Variants in OPCML observed in about 807,000 individuals in gnomAD.
OPCML encodes the protein opioid-binding protein/cell adhesion molecule.
In OPCML, 13 loss-of-function variants were observed where a neutral mutation model predicts 37.8. That is an observed-to-expected ratio of 0.34 (90% confidence interval 0.22 to 0.55). OPCML has a LOEUF of 0.55. Among genes scored for constraint, OPCML ranks in the 20% least tolerant of loss-of-function variants. The probability of loss-of-function intolerance (pLI) is 0.91; values close to 1 mark genes in which losing one functional copy is unlikely to be tolerated. For missense variants in OPCML, 341 were observed against 435.6 expected (o/e 0.78, Z 1.93); for synonymous variants, 176 against 168.8 (o/e 1.04, Z -0.33).
At chr11:133,003,759 A>T in intron 1 of OPCML, 1 of 985,450 alleles carries the variant, frequency 1.0e-6, no homozygotes. Context: ...GAATAGGCTG[A>T]ATTCTGAGCA....
Position 133,206,395 on chromosome 11 carries a change from GGA to G in OPCML, c.62-263387_62-263386del, listed in dbSNP as rs1190065161. 6.6e-6 allele frequency among the ~76,000 whole-genome samples: 1 copy of G among 152,116 alleles called. No individual in the cohort carries two copies. Among genetic ancestry groups the G allele is most frequent in the Non-Finnish European group, 1.5e-5 (1 of 68,014 alleles). On this transcript the variant is annotated intron_variant, in intron 1 of 7. Coordinates refer to ENST00000524381, the MANE Select transcript of OPCML (RefSeq NM_001012393.5). This position sits in a 1 kb window ranked among gnomAD's most constrained non-coding sequence, Gnocchi z 4.7. ...ACATTTAGGAAACTGCATAACTTCT[GGA>G]GTCCTCAGTTTCCTGAGCTATGAAA...
chr11:133,116,396 A>G (rs916337373), intron 1 of OPCML, among the ~76,000 whole-genome samples: 1 of 152,202 alleles, frequency 6.6e-6, no homozygotes, highest in Non-Finnish European at 1.5e-5. Flanking sequence ...ATACTCTGTC[A>G]TCCTGGTTCA....
intron 1 of OPCML, among the ~76,000 whole-genome samples, chr11:133,352,899 G>A (rs1944174037): frequency 1.3e-5 from 2 of 152,264 alleles, no homozygotes; most frequent in African/African-American, 4.8e-5. Context: ...AACTCTTTGT[G>A]CTTCTGTTTC....
chr11:132,540,333 G>C (rs563657914), intron 3 of OPCML, among the ~76,000 whole-genome samples: 11 of 152,274 alleles, frequency 7.2e-5, no homozygotes, highest in Admixed American at 6.5e-4. Flanking sequence ...TATTCCAGGT[G>C]CCTCTCAGCA....
At chr11:133,090,654 T>C (rs1253305376) in intron 1 of OPCML, among the ~76,000 whole-genome samples, 2 of 152,130 alleles carry the variant, frequency 1.3e-5, no homozygotes, top group African/African-American at 2.4e-5. Context: ...ACTAGGAAAT[T>C]TGGCAAAAGA....
intron 2 of OPCML, among the ~76,000 whole-genome samples, chr11:132,762,675 G>A (rs569865054): frequency 1.2e-4 from 18 of 152,240 alleles, no homozygotes; most frequent in South Asian, 2.1e-4. Flanking sequence ...CACCAAGCTC[G>A]AGAGTCCTAG....
intron 2 of OPCML, among the ~76,000 whole-genome samples, chr11:132,909,485 C>T (rs2136534056): frequency 6.6e-6 from 1 of 152,342 alleles, no homozygotes; most frequent in Middle Eastern, 3.4e-3. Context: ...CACCCCAACC[C>T]AATAGGAGCT....
At chr11:132,697,468 C>T (rs574802582) in intron 2 of OPCML, among the ~76,000 whole-genome samples, 8 of 152,242 alleles carry the variant, frequency 5.3e-5, no homozygotes, top group African/African-American at 9.6e-5. Context: ...AATCACCATT[C>T]GACACTCTCT....
intron 2 of OPCML, among the ~76,000 whole-genome samples, chr11:132,794,082 ATCC>A (rs1293488726): frequency 2.0e-5 from 3 of 152,070 alleles, no homozygotes; most frequent in Non-Finnish European, 4.4e-5. Flanking sequence ...TTTCTTTGAA[ATCC>A]TCCTACCTCC....
At chr11:133,456,564 A>C (rs755275866) in intron 1 of OPCML, among the ~76,000 whole-genome samples, 42 of 152,204 alleles carry the variant, frequency 2.8e-4, no homozygotes, top group Non-Finnish European at 5.1e-4. Flanking sequence ...TCCAGAAATC[A>C]TCCCTGAAGA....
intron 3 of OPCML, among the ~76,000 whole-genome samples, chr11:132,544,556 G>A (rs2096364540): frequency 6.6e-6 from 1 of 152,184 alleles, no homozygotes; most frequent in African/African-American, 2.4e-5. Context: ...TAAGTACAGA[G>A]GCAGCCGACT....
At chr11:133,187,761 C>G (rs931421524) in intron 1 of OPCML, among the ~76,000 whole-genome samples, 1 of 152,190 alleles carries the variant, frequency 6.6e-6, no homozygotes, top group Admixed American at 6.5e-5. Flanking sequence ...ATATTGTGTA[C>G]AACTTCTAAA....
intron 1 of OPCML, among the ~76,000 whole-genome samples, chr11:133,069,884 C>T (rs1565430451): frequency 1.3e-5 from 2 of 152,208 alleles, no homozygotes; most frequent in East Asian, 3.9e-4. Flanking sequence ...ACGATTCTGG[C>T]ACCATCCAAG....
Position 132,870,652 on chromosome 11 carries a change from G to A in OPCML, c.146+72274C>T, listed in dbSNP as rs530273705. Among the ~76,000 whole-genome samples, 8 of 152,276 alleles carry A rather than the reference G, an allele frequency of 5.3e-5. No homozygotes were observed. The East Asian group carries it at 7.7e-4, about 15-fold the overall frequency. On this transcript the variant is annotated intron_variant, in intron 2 of 7. Transcript: ENST00000524381. Reference sequence around the variant, plus strand: ...ATAGCCGAGATAATATGGAAAGAACGTAAGTGTCCCTCAACAGACGAATGG... The same window carrying A: ...ATAGCCGAGATAATATGGAAAGAACATAAGTGTCCCTCAACAGACGAATGG...
At chr11:133,081,319 C>A (rs532137118) in intron 1 of OPCML, among the ~76,000 whole-genome samples, 1 of 152,240 alleles carries the variant, frequency 6.6e-6, no homozygotes, top group African/African-American at 2.4e-5. Flanking sequence ...TCTGAGGATG[C>A]GGCATCCTGC....
At chr11:132,470,789 G>A (rs1269851922) in intron 4 of OPCML, among the ~76,000 whole-genome samples, 1 of 152,172 alleles carries the variant, frequency 6.6e-6, no homozygotes, top group East Asian at 1.9e-4. Flanking sequence ...TGGTTCCCAT[G>A]TTCATGCTCT....
chr11:133,015,944 A>C (rs1947326152), intron 1 of OPCML, among the ~76,000 whole-genome samples: 1 of 152,140 alleles, frequency 6.6e-6, no homozygotes, highest in African/African-American at 2.4e-5. Context: ...CTTCACCCCT[A>C]GCATACCAAG....
intron 2 of OPCML, among the ~76,000 whole-genome samples, chr11:132,870,431 T>C (rs1942751388): frequency 6.6e-6 from 1 of 152,226 alleles, no homozygotes; most frequent in Non-Finnish European, 1.5e-5. Flanking sequence ...AGTACGGCCA[T>C]TATGGAAAAC....
chr11:133,081,673 T>C (rs1343004634), intron 1 of OPCML, among the ~76,000 whole-genome samples: 1 of 152,180 alleles, frequency 6.6e-6, no homozygotes, highest in Non-Finnish European at 1.5e-5. Context: ...ATCCTGCTAC[T>C]GGACCTAAGC....
Sources: gnomAD v4.1 joint callset for allele counts (sites outside exome capture counted in the v4.1 genomes callset) on GRCh38, gnomAD v4.1.1 for gene constraint, Gnocchi (gnomAD v3.1) non-coding constraint, MANE v1.5 for transcripts, NCBI Gene and HGNC (gene_info 2026-07-23, HGNC 2026-07-21) for gene names.